Variants in PDS5B observed in about 807,000 individuals in gnomAD.
PDS5B encodes PDS5 cohesin associated factor B.
A neutral mutation model predicts 184.1 loss-of-function variants in PDS5B; 51 were observed. That is an observed-to-expected ratio of 0.28 (90% CI 0.22 to 0.35). PDS5B has a LOEUF of 0.35. Ranked by LOEUF, PDS5B falls within the 10% of genes least tolerant of loss-of-function variation. The probability of loss-of-function intolerance (pLI) is 1.00; values close to 1 mark genes in which losing one functional copy is unlikely to be tolerated. For synonymous variants in PDS5B, 566 were observed against 569.2 expected (o/e 0.99, Z 0.08); for missense variants, 1,180 against 1,723.3 (o/e 0.68, Z 5.58).
intron 12 of PDS5B, among the ~76,000 whole-genome samples, chr13:32,687,793 C>G (rs1006639112): frequency 2.0e-5 from 3 of 151,994 alleles, no homozygotes; most frequent in African/African-American, 7.2e-5. Flanking sequence ...TAATAGAGCT[C>G]TAAATCCTGC....
chr13:32,767,751 A>G (rs532768463), intron 31 of PDS5B, among the ~76,000 whole-genome samples: 2 of 152,202 alleles, frequency 1.3e-5, no homozygotes, highest in Non-Finnish European at 2.9e-5. Context: ...ATGTTCTTGT[A>G]TAGGAGAAAG....
At chr13:32,731,466 C>CTT (rs1407398064) in intron 19 of PDS5B, among the ~76,000 whole-genome samples, 1 of 152,094 alleles carries the variant, frequency 6.6e-6, no homozygotes, top group Non-Finnish European at 1.5e-5. Context: ...TTGTAATTCT[C>CTT]TTATACCTCC....
At chr13:32,660,872 A>G (rs999507452) in intron 6 of PDS5B, among the ~76,000 whole-genome samples, 1 of 152,112 alleles carries the variant, frequency 6.6e-6, no homozygotes, top group Admixed American at 6.5e-5. Context: ...TGCTTAGTCC[A>G]TTTAGCTTAG....
At chr13:32,663,982 ATTCCTGAGTT>A in intron 6 of PDS5B, among the ~76,000 whole-genome samples, 1 of 152,152 alleles carries the variant, frequency 6.6e-6, no homozygotes, top group Non-Finnish European at 1.5e-5. Context: ...TTGGTTTCCC[ATTCCTGAGTT>A]ACTTCACTTA....
intron 1 of PDS5B, among the ~76,000 whole-genome samples, chr13:32,603,478 A>T (rs926569419): frequency 6.6e-6 from 1 of 152,216 alleles, no homozygotes; most frequent in Non-Finnish European, 1.5e-5. Context: ...TACCAGTACC[A>T]TGCTGGTTTG....
intron 1 of PDS5B, among the ~76,000 whole-genome samples, chr13:32,596,810 C>A (rs979499715): frequency 6.6e-6 from 1 of 152,066 alleles, no homozygotes; most frequent in African/African-American, 2.4e-5. Context: ...CCTCTTCAAG[C>A]TTTCTGCCCA....
intron 19 of PDS5B, among the ~76,000 whole-genome samples, chr13:32,722,599 A>G (rs1186364535): frequency 1.3e-5 from 2 of 152,242 alleles, no homozygotes; most frequent in African/African-American, 4.8e-5. Context: ...CAATGAAATC[A>G]TCCAGTGATG....
At chr13:32,717,687 T>TAAA (rs1293060097) in intron 19 of PDS5B, among the ~76,000 whole-genome samples, 1 of 58,710 alleles carries the variant, frequency 1.7e-5, no homozygotes, top group African/African-American at 6.1e-5. Context: ...GAATGATCAA[T>TAAA]AAAAAAAAAA....
At chr13:32,586,887 A>G (rs1424783755) in intron 1 of PDS5B, among the ~76,000 whole-genome samples, 31 of 278 alleles carry the variant, frequency 0.11, 1 homozygote, top group Admixed American at 0.39. Flanking sequence ...AGCCTCTGGA[A>G]AATTAAACTT....
chr13:32,587,668 G>A (rs2057710942), intron 1 of PDS5B, among the ~76,000 whole-genome samples: 2 of 152,194 alleles, frequency 1.3e-5, no homozygotes, highest in South Asian at 2.1e-4. Flanking sequence ...GGAAGGGTTG[G>A]TAGAGCAGCT....
intron 1 of PDS5B, among the ~76,000 whole-genome samples, chr13:32,618,517 GA>G (rs112406209): frequency 8.3e-4 from 125 of 150,114 alleles, no homozygotes; most frequent in South Asian, 1.5e-3. Context: ...TTACTGTGTA[GA>G]AAAAAAAAAT....
At chr13:32,728,664 A>G (rs546962771) in intron 19 of PDS5B, among the ~76,000 whole-genome samples, 1 of 152,274 alleles carries the variant, frequency 6.6e-6, no homozygotes, top group East Asian at 1.9e-4. Flanking sequence ...CCTAGAAACT[A>G]TTTAATACTT....
chr13:32,638,388 G>C (rs1001273422), intron 1 of PDS5B, among the ~76,000 whole-genome samples: 3 of 152,182 alleles, frequency 2.0e-5, no homozygotes, highest in Non-Finnish European at 2.9e-5. Flanking sequence ...TAGTGACTGT[G>C]GCAAAAGCAT....
intron 1 of PDS5B, among the ~76,000 whole-genome samples, chr13:32,617,294 A>G (rs935640937): frequency 7.2e-5 from 11 of 152,342 alleles, no homozygotes; most frequent in African/African-American, 2.4e-4. Context: ...GCTTGTTAGT[A>G]CTTCCCTAAA....
At chr13:32,646,328 A>G (rs534397320) in intron 1 of PDS5B, among the ~76,000 whole-genome samples, 2 of 142,828 alleles carry the variant, frequency 1.4e-5, no homozygotes, top group South Asian at 4.5e-4. Context: ...ATGTTAATCC[A>G]TATTATTGTG....
rs1227545256 is a variant in PDS5B, at chr13:32,775,705, G to A, written c.*653G>A. On this transcript the variant is annotated 3_prime_UTR_variant, in exon 35 of 35. Coordinates refer to ENST00000315596, the MANE Select transcript of PDS5B (RefSeq NM_015032.4). ...ATTGTGAAATAGTCCTGAAGTTCTT[G>A]GATTACTTTACACCTCAGTATTGAT... 4.4e-6 allele frequency: 2 copies of A among 455,732 alleles called. No individual in the cohort carries two copies. The highest frequency in any genetic ancestry group is 3.1e-5 in the South Asian group (2 of 64,456). The allele number at this position is 455,732 out of a possible 1,614,324, so 28.2% of individuals were successfully genotyped here. A position where few individuals can be genotyped will look rare whatever the true frequency, so the allele number is the denominator to read the frequency against.
chr13:32,753,649 TTTA>T, intron 25 of PDS5B, 113 bp downstream of exon 25: 1 of 652,780 alleles, frequency 1.5e-6, no homozygotes, highest in Admixed American at 3.1e-5. Flanking sequence ...ATTAACAATT[TTTA>T]TTACCATTTT....
At chr13:32,620,102 G>A (rs1348198306) in intron 1 of PDS5B, among the ~76,000 whole-genome samples, 1 of 151,976 alleles carries the variant, frequency 6.6e-6, no homozygotes, top group Admixed American at 6.6e-5. Flanking sequence ...CCCGGCCCTG[G>A]TTAGATTTTT....
chr13:32,668,842 C>T (rs1950864446), intron 7 of PDS5B, among the ~76,000 whole-genome samples: 1 of 152,142 alleles, frequency 6.6e-6, no homozygotes. Context: ...TGAAAACTAA[C>T]TACTTCATAA....
Sources: allele counts gnomAD v4.1 joint callset (sites outside exome capture counted in the v4.1 genomes callset), GRCh38; gene constraint gnomAD v4.1.1; transcripts MANE v1.5; gene names NCBI Gene and HGNC (gene_info 2026-07-23, HGNC 2026-07-21).